The following HYDIN variants were observed in gnomAD, a reference collection of about 807,000 sequenced individuals.
HYDIN encodes the protein axonemal central pair apparatus protein HYDIN.
A neutral mutation model predicts 403.9 loss-of-function variants in HYDIN; 132 were observed. The ratio of observed to expected loss-of-function variants is 0.33; its 90% CI spans 0.28 to 0.38. The LOEUF (loss-of-function observed/expected upper bound fraction) is 0.38, where lower values mean the gene tolerates loss of function less well. Ranked by LOEUF, HYDIN falls within the 10% of genes least tolerant of loss-of-function variation. The pLI is 1.00. For synonymous variants in HYDIN, 1,202 were observed against 1,891.7 expected (o/e 0.64, Z 9.46); for missense variants, 2,827 against 5,009.5 (o/e 0.56, Z 13.15).
intron 5 of HYDIN, among the ~76,000 whole-genome samples, chr16:71,170,576 T>C (rs765979678): frequency 6.6e-6 from 1 of 152,032 alleles, no homozygotes; most frequent in Admixed American, 6.5e-5. Context: ...GAAAACCAAC[T>C]TTAAAAAAAA....
At chr16:70,973,169 A>T (rs1358699567) in intron 35 of HYDIN, among the ~76,000 whole-genome samples, 174 bp downstream of exon 35, 2 of 152,230 alleles carry the variant, frequency 1.3e-5, no homozygotes, top group Non-Finnish European at 2.9e-5. Flanking sequence ...ATGATTCCAG[A>T]CCACCAGGCC....
intron 84 of HYDIN, among the ~76,000 whole-genome samples, chr16:70,817,658 TGAA>T (rs1402743243): frequency 6.6e-6 from 1 of 152,266 alleles, no homozygotes; most frequent in Non-Finnish European, 1.5e-5. Flanking sequence ...TGCTCCTTCC[TGAA>T]GTAGTGTGTG....
At chr16:70,835,866 T>G (rs1161227360) in intron 77 of HYDIN, 32 bp from the exon 78 acceptor site, 1 of 624,872 alleles carries the variant, frequency 1.6e-6, no homozygotes, top group South Asian at 2.0e-5. Context: ...GAAGAAGAGT[T>G]CATTAGTTAA....
chr16:70,982,064 C>T (rs1052014573), intron 28 of HYDIN, among the ~76,000 whole-genome samples: 9 of 148,304 alleles, frequency 6.1e-5, no homozygotes, highest in African/African-American at 2.2e-4. Context: ...GGAGGCAGAG[C>T]TTGCAGTGAG....
At chr16:70,871,102 A>G (rs2040068422) in intron 65 of HYDIN, among the ~76,000 whole-genome samples, 1 of 151,948 alleles carries the variant, frequency 6.6e-6, no homozygotes, top group Non-Finnish European at 1.5e-5. Flanking sequence ...ATGGTCTTAG[A>G]ACTATTTTTG....
Position 71,184,994 on chromosome 16 carries a change from G to T in HYDIN, c.136-4C>A. ...TCAGGAACTCTGAGGGTGTAAGCTAGAATGTAAAACAATAAGAACCAAAGA... is the reference window on the plus strand; with the variant it reads ...TCAGGAACTCTGAGGGTGTAAGCTATAATGTAAAACAATAAGAACCAAAGA... On this transcript the variant is annotated splice_polypyrimidine_tract_variant and splice_region_variant and intron_variant, in intron 2 of 85. Coordinates refer to ENST00000393567, the MANE Select transcript of HYDIN (RefSeq NM_001270974.2). 1 of 1,589,788 alleles carries T rather than the reference G, an allele frequency of 6.3e-7. No individual in the cohort carries two copies. The highest frequency in any genetic ancestry group is 8.6e-7 in the Non-Finnish European group (1 of 1,166,352).
chr16:71,152,154 A>G (rs948899266), intron 7 of HYDIN, among the ~76,000 whole-genome samples: 5 of 150,408 alleles, frequency 3.3e-5, no homozygotes, highest in Admixed American at 6.6e-5. Flanking sequence ...TGAGTCCTGT[A>G]TTCCTCAGGC....
intron 43 of HYDIN, among the ~76,000 whole-genome samples, chr16:70,939,520 T>C (rs1324730699): frequency 4.6e-5 from 7 of 152,322 alleles, no homozygotes; most frequent in Admixed American, 1.3e-4. Flanking sequence ...TAAAATCTCA[T>C]GTTTGTTAAC....
At chr16:71,172,678 G>A (rs568276752) in intron 5 of HYDIN, among the ~76,000 whole-genome samples, 1 of 152,208 alleles carries the variant, frequency 6.6e-6, no homozygotes, top group South Asian at 2.1e-4. Flanking sequence ...TATCATCTTC[G>A]ACATGCTAAT....
chr16:70,939,165 G>A (rs749615437), intron 43 of HYDIN, among the ~76,000 whole-genome samples: 1 of 152,206 alleles, frequency 6.6e-6, no homozygotes, highest in Non-Finnish European at 1.5e-5. Context: ...AGGGGTCAGA[G>A]GGCTGCAAGG....
intron 23 of HYDIN, among the ~76,000 whole-genome samples, chr16:71,015,636 C>T (rs971267162): frequency 1.3e-5 from 2 of 151,888 alleles, no homozygotes; most frequent in Non-Finnish European, 2.9e-5. Context: ...CTGCCGGCTT[C>T]AGTGCTTCGC....
intron 18 of HYDIN, among the ~76,000 whole-genome samples, chr16:71,045,322 T>C (rs1378400698): frequency 2.6e-5 from 4 of 152,304 alleles, no homozygotes; most frequent in African/African-American, 9.6e-5. Context: ...TAGAGGGAAA[T>C]AGTTTGGAAT....
chr16:71,130,136 C>T (rs1188061938), intron 8 of HYDIN, among the ~76,000 whole-genome samples: 2 of 152,252 alleles, frequency 1.3e-5, no homozygotes, highest in East Asian at 3.8e-4. Flanking sequence ...TCCTGTTTTC[C>T]AGGCTGCTTT....
chr16:70,833,936 G>C lies in HYDIN; in HGVS notation c.13630C>G (p.Gln4544Glu). The C allele has an allele frequency of 6.8e-6, 11 of 1,613,460 alleles. No homozygotes were observed. The highest frequency in any genetic ancestry group is 9.3e-6 in the Non-Finnish European group (11 of 1,179,794). The change falls in exon 79 of 86, where the codon CAA becomes GAA. Residue 4544 changes from glutamine to glutamate, a missense_variant. By Grantham distance (29) the Gln-to-Glu change is conservative. Transcript: ENST00000393567. ...ATCATGAGGATGCGACGTGTGGCTTGCGTCTGATACACCACGGGTCCAAAG... is the reference window on the plus strand; with the variant it reads ...ATCATGAGGATGCGACGTGTGGCTTCCGTCTGATACACCACGGGTCCAAAG... ...IPFGPVVYQTQATRRILMMNT... is the reference protein window; with the variant it reads ...IPFGPVVYQTEATRRILMMNT...
intron 18 of HYDIN, among the ~76,000 whole-genome samples, chr16:71,049,209 A>G (rs1442996148): frequency 1.3e-5 from 2 of 152,260 alleles, no homozygotes; most frequent in Non-Finnish European, 2.9e-5. Context: ...AACAGGAACG[A>G]AAATGATCCT....
chr16:70,989,295 C>T (rs2079270875), intron 25 of HYDIN, among the ~76,000 whole-genome samples: 1 of 152,058 alleles, frequency 6.6e-6, no homozygotes, highest in Admixed American at 6.6e-5. Flanking sequence ...TGCCTTGGCT[C>T]CCAAAGTACT....
In HYDIN at chr16:70,803,752, A is replaced by T. The variant is rs777578877; in HGVS notation, c.*3828T>A. 6.6e-6 allele frequency among the ~76,000 whole-genome samples: 1 copy of T among 152,188 alleles called. No individual in the cohort carries two copies. Among genetic ancestry groups the T allele is most frequent in the Non-Finnish European group, 1.5e-5 (1 of 68,024 alleles). On this transcript the variant is annotated 3_prime_UTR_variant, in exon 86 of 86. Coordinates refer to ENST00000393567, the MANE Select transcript of HYDIN (RefSeq NM_001270974.2). ...TTAAGGTATTAGGTAGAGGTCTTGAAATGTAGCAGGCCCTCACCAATGTTA... is the reference window on the plus strand; with the variant it reads ...TTAAGGTATTAGGTAGAGGTCTTGATATGTAGCAGGCCCTCACCAATGTTA...
At chr16:70,909,886 G>A (rs1254377728) in intron 47 of HYDIN, among the ~76,000 whole-genome samples, 1 of 149,660 alleles carries the variant, frequency 6.7e-6, no homozygotes, top group Non-Finnish European at 1.5e-5. Context: ...TAGTAGAGAC[G>A]GGGTTTCACC....
chr16:71,205,565 C>A (rs1462982439), intron 1 of HYDIN, among the ~76,000 whole-genome samples: 2 of 152,250 alleles, frequency 1.3e-5, no homozygotes, highest in African/African-American at 4.8e-5. Context: ...AGTGCCACAG[C>A]TCCAACAGAG....
Sources: allele counts gnomAD v4.1 joint callset (sites outside exome capture counted in the v4.1 genomes callset), GRCh38; gene constraint gnomAD v4.1.1; transcripts MANE v1.5; gene names NCBI Gene and HGNC (gene_info 2026-07-23, HGNC 2026-07-21).